The following SPMIP2 variants were observed in gnomAD, a reference collection of about 807,000 sequenced individuals.
The protein encoded by SPMIP2 is protein SPMIP2.
the SPMIP2 span, among the ~76,000 whole-genome samples, chr4:159,000,430 A>AATT: frequency 6.6e-6 from 1 of 151,584 alleles, no homozygotes; most frequent in Admixed American, 6.6e-5. Context: ...CGGTTCCCAG[A>AATT]ATTTGATCTA....
At chr4:158,935,809 T>TA in the SPMIP2 span, among the ~76,000 whole-genome samples, 1 of 152,316 alleles carries the variant, frequency 6.6e-6, no homozygotes, top group Middle Eastern at 3.4e-3. Context: ...ATATAATGTC[T>TA]AAAACCAATA....
chr4:158,894,633 A>G, the SPMIP2 span, among the ~76,000 whole-genome samples: 1 of 152,164 alleles, frequency 6.6e-6, no homozygotes. Context: ...ATTATTTTTA[A>G]TATTTTGTGA....
the SPMIP2 span, among the ~76,000 whole-genome samples, chr4:159,012,685 C>T: frequency 6.6e-6 from 1 of 152,200 alleles, no homozygotes; most frequent in East Asian, 1.9e-4. Flanking sequence ...GATCCTCCCA[C>T]CTCAGCTTCC....
At chr4:159,032,812 A>G in the SPMIP2 span, among the ~76,000 whole-genome samples, 1 of 151,992 alleles carries the variant, frequency 6.6e-6, no homozygotes, top group Non-Finnish European at 1.5e-5. Flanking sequence ...AAAAGTCAAA[A>G]ACAGACAATA....
At chr4:159,074,829 G>A in the SPMIP2 span, among the ~76,000 whole-genome samples, 29 of 152,132 alleles carry the variant, frequency 1.9e-4, no homozygotes, top group Admixed American at 1.9e-3. Context: ...ATAACATGAG[G>A]TAAGATGGGA....
At chr4:158,914,966 TTAAC>T in the SPMIP2 span, among the ~76,000 whole-genome samples, 1 of 152,178 alleles carries the variant, frequency 6.6e-6, no homozygotes, top group Non-Finnish European at 1.5e-5. Context: ...CTTGTTTTCT[TTAAC>T]TATAAAAGGT....
the SPMIP2 span, among the ~76,000 whole-genome samples, chr4:159,015,334 C>G: frequency 3.3e-5 from 5 of 152,204 alleles, no homozygotes; most frequent in East Asian, 9.6e-4. Flanking sequence ...GCAAACCAGT[C>G]ATGTGCAGAC....
chr4:158,971,572 A>G, the SPMIP2 span, among the ~76,000 whole-genome samples: 23 of 152,212 alleles, frequency 1.5e-4, no homozygotes, highest in Non-Finnish European at 5.9e-5. Flanking sequence ...AACAGTACTA[A>G]TAGCTAAAAT....
At chr4:158,913,984 A>G in the SPMIP2 span, among the ~76,000 whole-genome samples, 1 of 152,208 alleles carries the variant, frequency 6.6e-6, no homozygotes, top group Non-Finnish European at 1.5e-5. Flanking sequence ...GAAAGAGTAT[A>G]TCACGTTCTT....
At chr4:158,954,579 C>A in the SPMIP2 span, among the ~76,000 whole-genome samples, 1 of 152,180 alleles carries the variant, frequency 6.6e-6, no homozygotes, top group Non-Finnish European at 1.5e-5. Context: ...ATCTCATGCC[C>A]AGCTGTTTAA....
At chr4:158,898,200 T>TCTGTTTTGGTAACAATACCGTG in the SPMIP2 span, among the ~76,000 whole-genome samples, 15 of 152,322 alleles carry the variant, frequency 9.8e-5, no homozygotes, top group African/African-American at 2.9e-4. Flanking sequence ...GGTCTGTATA[T>TCTGTTTTGGTAACAATACCGTG]CTGTTTTGGT....
At chr4:159,066,210 A>T in the SPMIP2 span, among the ~76,000 whole-genome samples, 1 of 152,222 alleles carries the variant, frequency 6.6e-6, no homozygotes, top group African/African-American at 2.4e-5. Context: ...TTTTGCCATA[A>T]AACACTATGA....
At chr4:159,002,645 A>G in the SPMIP2 span, among the ~76,000 whole-genome samples, 1 of 152,332 alleles carries the variant, frequency 6.6e-6, no homozygotes, top group East Asian at 1.9e-4. Context: ...GTATATAAGA[A>G]GAGATATGAA....
the SPMIP2 span, chr4:158,893,806 C>T: frequency 1.2e-6 from 1 of 837,740 alleles, no homozygotes; most frequent in Non-Finnish European, 1.9e-6. Flanking sequence ...ATACATACGT[C>T]TTGTCACAGT....
chr4:159,058,183 G>A, the SPMIP2 span, among the ~76,000 whole-genome samples: 44 of 132,506 alleles, frequency 3.3e-4, no homozygotes, highest in African/African-American at 1.2e-3. Flanking sequence ...TGTATTTGCT[G>A]GGCTTTTTTT....
At chr4:158,911,347 C>CAAATAAATAAATAAATAAAT in the SPMIP2 span, among the ~76,000 whole-genome samples, 2,070 of 141,330 alleles carry the variant, frequency 0.015, 25 homozygotes, top group Middle Eastern at 0.032. Context: ...GACTCCGTCT[C>CAAATAAATAAATAAATAAAT]AAATAAATAA....
chr4:158,952,247 T>A, the SPMIP2 span, among the ~76,000 whole-genome samples: 3 of 152,190 alleles, frequency 2.0e-5, no homozygotes, highest in Non-Finnish European at 2.9e-5. Flanking sequence ...AAAGATGATA[T>A]GGTTTGGCTG....
the SPMIP2 span, among the ~76,000 whole-genome samples, chr4:158,982,945 C>T: frequency 6.6e-6 from 1 of 152,026 alleles, no homozygotes; most frequent in Non-Finnish European, 1.5e-5. Flanking sequence ...ACTAAAATAA[C>T]CAATACAGAG....
the SPMIP2 span, among the ~76,000 whole-genome samples, chr4:159,055,711 A>AAAAT: frequency 2.2e-3 from 341 of 152,200 alleles, 1 homozygote; most frequent in African/African-American, 7.7e-3. Context: ...CCCTGTCTCA[A>AAAAT]AAATAAATAA....
Sources: allele counts gnomAD v4.1 joint callset (sites outside exome capture counted in the v4.1 genomes callset), GRCh38; gene constraint gnomAD v4.1.1; transcripts MANE v1.5; gene names NCBI Gene and HGNC (gene_info 2026-07-23, HGNC 2026-07-21).